DCP2: variants seen among roughly 807,000 people sequenced by gnomAD.
The protein encoded by DCP2 is m7GpppN-mRNA hydrolase.
Under a neutral mutation model 56.1 loss-of-function variants are expected in DCP2, and 30 were observed. The observed-to-expected ratio is 0.53, with a 90% CI of 0.40 to 0.73. DCP2 has a LOEUF of 0.73. DCP2 is among the 30% of genes least tolerant of loss of function. The pLI, the probability that DCP2 is intolerant of heterozygous loss-of-function variation, is 0.00. For synonymous variants in DCP2, 197 were observed against 163.3 expected (o/e 1.21, Z -1.57); for missense variants, 533 against 502.7 (o/e 1.06, Z -0.58).
rs150209273 is a variant in DCP2, at chr5:113,018,469, C to T, written c.*4985C>T. 2.6e-5 allele frequency: 4 copies of T among 152,302 alleles called. No individual in the cohort carries two copies. The highest frequency in any genetic ancestry group is 7.2e-5 in the African/African-American group (3 of 41,562). 9.4% of individuals were successfully genotyped at this position (152,302 alleles called of 1,614,324 possible). A position where few individuals can be genotyped will look rare whatever the true frequency, so the allele number is the denominator to read the frequency against. On this transcript the variant is annotated 3_prime_UTR_variant, in exon 11 of 11. Coordinates refer to ENST00000389063, the MANE Select transcript of DCP2 (RefSeq NM_152624.6). Reference sequence around the variant, plus strand: ...GGAATGAGCTTTCACAAGGTGCTTACGTTAGCTGGGTAGTATTGGTCAAAG... The same window carrying T: ...GGAATGAGCTTTCACAAGGTGCTTATGTTAGCTGGGTAGTATTGGTCAAAG...
In DCP2 at chr5:113,008,061, A is replaced by C; in HGVS notation, c.1047+19A>C. On this transcript the variant is annotated intron_variant, in intron 9 of 10. Coordinates refer to ENST00000389063, the MANE Select transcript of DCP2 (RefSeq NM_152624.6). The stretch of plus-strand genomic sequence containing the variant: ...TTTGATGGTAAGAGTTATAGCTGTC[A>C]CACTAAGTAGGCAGTTCATCCTCTG... 6.3e-7 allele frequency: 1 copy of C among 1,596,422 alleles called. No homozygotes were observed. The highest frequency in any genetic ancestry group is 2.2e-5 in the East Asian group (1 of 44,776).
chr5:113,001,050 A>G, intron 4 of DCP2, 34 bp from the exon 5 acceptor site: 1 of 1,562,620 alleles, frequency 6.4e-7, no homozygotes, highest in South Asian at 1.2e-5. Flanking sequence ...CTAAGAACTA[A>G]AATGAAAATT....
At chr5:113,011,408 A>G (rs1749676402) in intron 10 of DCP2, among the ~76,000 whole-genome samples, 1 of 152,244 alleles carries the variant, frequency 6.6e-6, no homozygotes, top group South Asian at 2.1e-4. Context: ...GTGAATGTAG[A>G]AAGCTCTTTG....
chr5:112,982,473 G>A (rs1748053238), intron 1 of DCP2, among the ~76,000 whole-genome samples: 2 of 152,118 alleles, frequency 1.3e-5, no homozygotes, highest in South Asian at 2.1e-4. Context: ...CGCATTTTAA[G>A]TTAATTTCTT....
Position 113,016,009 on chromosome 5 carries a change from G to T in DCP2, c.*2525G>T, listed in dbSNP as rs1279048996. 6.6e-6 allele frequency: 1 copy of T among 152,598 alleles called. No homozygotes were observed. The highest frequency in any genetic ancestry group is 1.5e-5 in the Non-Finnish European group (1 of 68,030). The allele number at this position is 152,598 out of a possible 1,614,324, so 9.5% of individuals were successfully genotyped here. ...GTTTTATGTCTTTGAGAGAGATACA[G>T]GTCTTGGAATTCACTTTTTAAATGT... On this transcript the variant is annotated 3_prime_UTR_variant, in exon 11 of 11. Transcript: ENST00000389063.
chr5:113,009,499 T>C (rs1385138838), intron 9 of DCP2, among the ~76,000 whole-genome samples: 5 of 152,212 alleles, frequency 3.3e-5, no homozygotes, highest in East Asian at 1.9e-4. Flanking sequence ...ATTGAGTGTA[T>C]TGGTAACACA....
chr5:113,001,495 A>C, intron 6 of DCP2, 26 bp downstream of exon 6: 2 of 1,606,874 alleles, frequency 1.2e-6, no homozygotes, highest in Non-Finnish European at 1.7e-6. Context: ...TTGAAATGTA[A>C]CTTTCATGAT....
intron 1 of DCP2, 144 bp downstream of exon 1, chr5:112,977,130 T>G: frequency 1.1e-5 from 6 of 556,830 alleles, no homozygotes; most frequent in African/African-American, 1.9e-5. Flanking sequence ...TCGTCGACCC[T>G]GCTCTCCGAC....
intron 4 of DCP2, among the ~76,000 whole-genome samples, chr5:112,996,972 C>T (rs1193087696): frequency 6.6e-6 from 1 of 152,178 alleles, no homozygotes; most frequent in African/African-American, 2.4e-5. Flanking sequence ...CAGAAAAGAG[C>T]TGAGGAAAGC....
chr5:113,007,021 C>G (rs1202750946), intron 8 of DCP2, among the ~76,000 whole-genome samples: 2 of 151,930 alleles, frequency 1.3e-5, no homozygotes, highest in Non-Finnish European at 2.9e-5. Flanking sequence ...GCTTGTAATC[C>G]TAGCTGCTTG....
rs541226240 is a variant in DCP2 at position 112,989,318 on chromosome 5, G to A, written c.206-2803G>A. Among the ~76,000 whole-genome samples the A allele has an allele frequency of 6.6e-5, 10 of 152,102 alleles. 1 individual carries two copies. In the South Asian group the frequency reaches 2.1e-3, roughly 32 times the overall value. The stretch of plus-strand genomic sequence containing the variant: ...TTTCTTCCTGACAAAGTTATTAATA[G>A]TGCCTAATTCAAAGGGTAAGTTTAA... On this transcript the variant is annotated intron_variant, in intron 2 of 10. Coordinates refer to ENST00000389063, the MANE Select transcript of DCP2 (RefSeq NM_152624.6).
chr5:113,018,807 A>G lies in DCP2; in HGVS notation c.*5323A>G, dbSNP rs1039338896. 5 of 152,126 alleles carry G rather than the reference A, an allele frequency of 3.3e-5. No homozygotes were observed. The highest frequency in any genetic ancestry group is 1.3e-4 in the Admixed American group (2 of 15,270). The allele number at this position is 152,126 out of a possible 1,614,324, so 9.4% of individuals were successfully genotyped here. ...TCTTACCCCTTCTGTAGAATAATCC[A>G]TATTTTAAAATTTGTTTCACATCTT... On this transcript the variant is annotated 3_prime_UTR_variant, in exon 11 of 11. Transcript: ENST00000389063.
intron 10 of DCP2, among the ~76,000 whole-genome samples, chr5:113,012,612 G>A (rs968058825): frequency 6.6e-6 from 1 of 151,980 alleles, no homozygotes; most frequent in African/African-American, 2.4e-5. Context: ...ACTATGATTT[G>A]GAAAATTTGG....
At chr5:113,000,401 C>CAT (rs1176160175) in intron 4 of DCP2, among the ~76,000 whole-genome samples, 3 of 117,210 alleles carry the variant, frequency 2.6e-5, no homozygotes, top group Admixed American at 8.1e-5. Flanking sequence ...TTGTCTAATA[C>CAT]ACACACACAC....
intron 4 of DCP2, 73 bp from the exon 5 acceptor site, chr5:113,001,011 T>C: frequency 7.1e-7 from 1 of 1,414,304 alleles, no homozygotes; most frequent in Non-Finnish European, 9.5e-7. Context: ...AGTTTTTGTC[T>C]TGGGAATAAA....
chr5:113,005,101 C>A (rs1749355458), intron 8 of DCP2, among the ~76,000 whole-genome samples: 1 of 151,036 alleles, frequency 6.6e-6, no homozygotes, highest in Non-Finnish European at 1.5e-5. Flanking sequence ...TGCACTCCAG[C>A]CTGGGCAATA....
At chr5:112,995,798 G>A (rs190464621) in intron 4 of DCP2, among the ~76,000 whole-genome samples, 8 of 152,302 alleles carry the variant, frequency 5.3e-5, no homozygotes, top group African/African-American at 1.9e-4. Flanking sequence ...GTGAAGTGTT[G>A]CTGTTTTAGT....
intron 1 of DCP2, among the ~76,000 whole-genome samples, chr5:112,982,034 C>T (rs1280070902): frequency 6.6e-6 from 1 of 152,194 alleles, no homozygotes; most frequent in Non-Finnish European, 1.5e-5. Flanking sequence ...TCCCAAAGTG[C>T]TGGGATTACA....
At chr5:112,988,076 A>G (rs1429153572) in intron 2 of DCP2, among the ~76,000 whole-genome samples, 2 of 152,156 alleles carry the variant, frequency 1.3e-5, no homozygotes, top group Non-Finnish European at 2.9e-5. Context: ...GAAGTATGGA[A>G]TCCTTCGGGC....
Sources: gnomAD v4.1 joint callset for allele counts (sites outside exome capture counted in the v4.1 genomes callset) on GRCh38, gnomAD v4.1.1 for gene constraint, MANE v1.5 for transcripts, NCBI Gene and HGNC (gene_info 2026-07-23, HGNC 2026-07-21) for gene names.